TINAG: variants seen among roughly 807,000 people sequenced by gnomAD.
The protein encoded by TINAG is tubulointerstitial nephritis antigen.
TINAG carries 83 observed loss-of-function variants against 72.7 expected under a neutral mutation model. That is an observed-to-expected ratio of 1.14 (90% CI 0.96 to 1.37). The LOEUF (loss-of-function observed/expected upper bound fraction) is 1.37. Among genes scored for constraint, TINAG ranks in the 40% most tolerant of loss-of-function variants. The pLI, the probability that TINAG is intolerant of heterozygous loss-of-function variation, is 0.00. For missense variants in TINAG, 685 were observed against 576.6 expected (o/e 1.19, Z -1.93); for synonymous variants, 234 against 189.9 (o/e 1.23, Z -1.91).
intron 9 of TINAG, among the ~76,000 whole-genome samples, chr6:54,375,996 C>T (rs1423480743): frequency 6.6e-6 from 1 of 152,088 alleles, no homozygotes; most frequent in Non-Finnish European, 1.5e-5. Flanking sequence ...TCCACCACTC[C>T]CATCCCTTTT....
chr6:54,389,949 T>C lies in TINAG; in HGVS notation c.*24T>C. The C allele has an allele frequency of 1.9e-6, 3 of 1,602,452 alleles. No individual in the cohort carries two copies. Among genetic ancestry groups the C allele is most frequent in the Non-Finnish European group, 2.5e-6 (3 of 1,176,492 alleles). ...AACATATCATTAAATTTCCATAAGG[T>C]CATGCCTTTAAGTAACCCCCTAAAT... On this transcript the variant is annotated 3_prime_UTR_variant, in exon 11 of 11. Coordinates refer to ENST00000259782, the MANE Select transcript of TINAG (RefSeq NM_014464.4).
At chr6:54,325,743 A>G (rs1317332718) in intron 3 of TINAG, among the ~76,000 whole-genome samples, 1 of 152,164 alleles carries the variant, frequency 6.6e-6, no homozygotes, top group African/African-American at 2.4e-5. Flanking sequence ...GTTTTGCCCA[A>G]TTTTGCCCAG....
At chr6:54,309,329 A>C (rs1508638) in intron 1 of TINAG, among the ~76,000 whole-genome samples, 122,550 of 152,128 alleles carry the variant, frequency 0.81, 49,702 homozygotes, top group African/African-American at 0.88. Context: ...GTTGTTATTT[A>C]AAAGGGCTAA....
chr6:54,320,497 T>C (rs1784465542), intron 1 of TINAG, 82 bp from the exon 2 acceptor site: 9 of 1,171,206 alleles, frequency 7.7e-6, no homozygotes, highest in Non-Finnish European at 9.7e-6. Flanking sequence ...AAAAGCTAAC[T>C]ATGATTTTTG....
intron 4 of TINAG, among the ~76,000 whole-genome samples, chr6:54,334,562 G>A (rs1784816761): frequency 6.6e-6 from 1 of 152,144 alleles, no homozygotes. Context: ...ATGATGTAGT[G>A]GATCCTATCA....
chr6:54,347,635 C>A, intron 6 of TINAG, 118 bp downstream of exon 6: 1 of 1,000,690 alleles, frequency 1.0e-6, no homozygotes, highest in Non-Finnish European at 1.4e-6. Context: ...TATACTACAT[C>A]TACATGAATA....
intron 3 of TINAG, among the ~76,000 whole-genome samples, chr6:54,322,830 C>A (rs867078273): frequency 1.3e-5 from 2 of 152,166 alleles, no homozygotes; most frequent in African/African-American, 2.4e-5. Context: ...TTTTCTGTGG[C>A]AAATCATATT....
chr6:54,375,130 A>T (rs963656509), intron 9 of TINAG, among the ~76,000 whole-genome samples: 26 of 152,134 alleles, frequency 1.7e-4, no homozygotes, highest in African/African-American at 6.3e-4. Context: ...CTAACTCCAG[A>T]TTCTTAGATG....
intron 9 of TINAG, among the ~76,000 whole-genome samples, chr6:54,358,728 T>G (rs2150965565): frequency 6.6e-6 from 1 of 151,938 alleles, no homozygotes; most frequent in East Asian, 1.9e-4. Flanking sequence ...TACTACTCTT[T>G]GCCTTTCTTT....
chr6:54,383,167 G>A (rs939073758), intron 10 of TINAG, among the ~76,000 whole-genome samples: 1 of 152,070 alleles, frequency 6.6e-6, no homozygotes, highest in African/African-American at 2.4e-5. Context: ...ATATCTAATT[G>A]TCAAGGTATG....
At chr6:54,339,305 C>T (rs948054732) in intron 4 of TINAG, among the ~76,000 whole-genome samples, 2 of 152,118 alleles carry the variant, frequency 1.3e-5, no homozygotes, top group Non-Finnish European at 2.9e-5. Context: ...TGCTGGATAC[C>T]CACACTTCAT....
intron 9 of TINAG, among the ~76,000 whole-genome samples, chr6:54,358,312 G>A (rs1763120799): frequency 6.6e-6 from 1 of 151,744 alleles, no homozygotes; most frequent in African/African-American, 2.4e-5. Flanking sequence ...GCTTTTTTAT[G>A]TTGATTGTAT....
chr6:54,363,862 C>G (rs1024545291), intron 9 of TINAG, among the ~76,000 whole-genome samples: 2 of 151,280 alleles, frequency 1.3e-5, no homozygotes, highest in Non-Finnish European at 3.0e-5. Context: ...AAGCTGGAAG[C>G]CTGGAAAGGT....
At chr6:54,362,972 G>A (rs1346899119) in intron 9 of TINAG, among the ~76,000 whole-genome samples, 1 of 151,582 alleles carries the variant, frequency 6.6e-6, no homozygotes, top group Non-Finnish European at 1.5e-5. Flanking sequence ...ATAAAGGAAA[G>A]GTAGAAAGTG....
Position 54,308,564 on chromosome 6 carries a change from A to G in TINAG, c.14A>G (p.Tyr5Cys), listed in dbSNP as rs1239472903. Residue 5 changes from tyrosine (Y) to cysteine (C), a missense_variant, in exon 1 of 11, where the codon TAT becomes TGT. Transcript: ENST00000259782. MWTG[Y>C]KILIFSYLTT... ...GACTTCCAGAGAATGTGGACCGGATATAAGATCTTAATCTTCTCTTATCTT... is the reference window on the plus strand; with the variant it reads ...GACTTCCAGAGAATGTGGACCGGATGTAAGATCTTAATCTTCTCTTATCTT... 4.3e-6 allele frequency: 7 copies of G among 1,611,536 alleles called. No homozygotes were observed. In the East Asian group the frequency reaches 1.6e-4, roughly 36 times the overall value.
chr6:54,366,142 T>C (rs2150971123), intron 9 of TINAG, among the ~76,000 whole-genome samples: 1 of 151,814 alleles, frequency 6.6e-6, no homozygotes, highest in Non-Finnish European at 1.5e-5. Context: ...GGAATTATTA[T>C]TTCATTTTGC....
At chr6:54,349,004 T>C (rs17828461) in intron 6 of TINAG, among the ~76,000 whole-genome samples, 12,508 of 152,106 alleles carry the variant, frequency 0.082, 910 homozygotes, top group East Asian at 0.3. Context: ...ATTTATCTTT[T>C]TATTCAATAT....
intron 9 of TINAG, among the ~76,000 whole-genome samples, chr6:54,360,298 C>T (rs893451731): frequency 1.3e-5 from 2 of 151,586 alleles, no homozygotes; most frequent in African/African-American, 4.8e-5. Context: ...GCTATAGATG[C>T]ATTTAATTGA....
At chr6:54,371,110 C>CTGTG (rs70983416) in intron 9 of TINAG, among the ~76,000 whole-genome samples, 9,927 of 149,014 alleles carry the variant, frequency 0.067, 391 homozygotes, top group Middle Eastern at 0.16. Flanking sequence ...CTTACGAAAA[C>CTGTG]TGTGTGTGTG....
Sources: gnomAD v4.1 joint callset for allele counts (sites outside exome capture counted in the v4.1 genomes callset) on GRCh38, gnomAD v4.1.1 for gene constraint, MANE v1.5 for transcripts, NCBI Gene and HGNC (gene_info 2026-07-23, HGNC 2026-07-21) for gene names.